Variants in UNC5D observed in about 807,000 individuals in gnomAD.
UNC5D encodes netrin receptor UNC5D.
In UNC5D, 39 loss-of-function variants were observed where a neutral mutation model predicts 105.4. The ratio of observed to expected loss-of-function variants is 0.37; its 90% CI spans 0.29 to 0.48. The LOEUF is 0.48. UNC5D is among the 20% of genes least tolerant of loss of function. UNC5D has a pLI of 0.98. For synonymous variants in UNC5D, 452 were observed against 450.4 expected, an observed-to-expected ratio of 1.00 and a Z score of -0.04; for missense variants, 991 against 1,202.4, an observed-to-expected ratio of 0.82 and a Z score of 2.60.
intron 1 of UNC5D, among the ~76,000 whole-genome samples, chr8:35,494,625 A>C (rs1811432189): frequency 6.6e-6 from 1 of 152,220 alleles, no homozygotes; most frequent in African/African-American, 2.4e-5. Flanking sequence ...TATTCAAATC[A>C]TTCGTATACC....
intron 1 of UNC5D, among the ~76,000 whole-genome samples, chr8:35,479,499 C>T (rs190988170): frequency 5.3e-5 from 8 of 152,194 alleles, no homozygotes; most frequent in South Asian, 2.1e-4. Context: ...ATGTATTCAT[C>T]GCAGCACTGT....
intron 1 of UNC5D, among the ~76,000 whole-genome samples, chr8:35,513,383 C>T (rs1030100130): frequency 6.6e-6 from 1 of 152,058 alleles, no homozygotes; most frequent in Admixed American, 6.5e-5. Flanking sequence ...CACGTGCCAC[C>T]ATGCCTGGCT....
intron 1 of UNC5D, among the ~76,000 whole-genome samples, chr8:35,355,497 T>C (rs777637081): frequency 2.6e-5 from 4 of 152,150 alleles, no homozygotes; most frequent in Admixed American, 6.5e-5. Context: ...CTTTCTTCCA[T>C]AGAAGCCTTT....
chr8:35,272,179 C>T (rs747778473), intron 1 of UNC5D, among the ~76,000 whole-genome samples: 31 of 151,954 alleles, frequency 2.0e-4, no homozygotes, highest in Non-Finnish European at 3.5e-4. Context: ...TTATGGAGCC[C>T]CAAACAAAAC....
In UNC5D at chr8:35,749,094, T is replaced by C. The variant is rs529964090; in HGVS notation, c.1935+399T>C. Among the ~76,000 whole-genome samples the C allele has an allele frequency of 3.3e-5, 5 of 152,280 alleles. 1 individual carries two copies. In the South Asian group the frequency reaches 1.0e-3, roughly 32 times the overall value. On this transcript the variant is annotated intron_variant, in intron 12 of 16. Transcript: ENST00000404895. ...TGTTCAGAAAGAAAATAACTATGTCTGTTTTTTTCCATCCTGGGGATTCTA... is the reference window on the plus strand; with the variant it reads ...TGTTCAGAAAGAAAATAACTATGTCCGTTTTTTTCCATCCTGGGGATTCTA...
rs200975218 is a variant in UNC5D at position 35,686,571 on chromosome 8, G to C, written c.946G>C (p.Glu316Gln). ...GGATGGGAGCTGGGAAGTGTGGAGCGAATGGTCCGTCTGCAGTCCAGAGTG... is the reference window on the plus strand; with the variant it reads ...GGATGGGAGCTGGGAAGTGTGGAGCCAATGGTCCGTCTGCAGTCCAGAGTG... ...PVDGSWEVWS[E>Q]WSVCSPECEH... The change falls in exon 7 of 17, where the codon GAA (glutamate) becomes CAA (glutamine). Residue 316 changes from glutamate (E) to glutamine (Q), a missense_variant. By Grantham distance (29) the Glu-to-Gln change is conservative. Transcript: ENST00000404895. 6.3e-7 allele frequency: 1 copy of C among 1,582,758 alleles called. No homozygotes were observed. The highest frequency in any genetic ancestry group is 1.2e-5 in the South Asian group (1 of 86,286).
rs374013131 is a variant in UNC5D, at chr8:35,549,453, G to A, written c.265G>A (p.Gly89Ser). The part of the protein sequence containing the change: ...PAMQIFFKCN[G>S]EWVHQNEHVS... ...CATGCAGATATTCTTCAAATGCAAC[G>A]GCGAGTGGGTCCATCAGAACGAGCA... The change falls in exon 2 of 17, where the codon GGC (glycine) becomes AGC (serine). Residue 89 changes from glycine (G) to serine (S), a missense_variant. By Grantham distance (56) the Gly-to-Ser change is moderately conservative. Around this residue, in one of 3 missense-constraint regions of UNC5D, gnomAD observed 944 missense variants for 1,131.6 expected, o/e 0.83. Transcript: ENST00000404895. The A allele has an allele frequency of 8.1e-6, 13 of 1,612,582 alleles. No homozygotes were observed. The highest frequency in any genetic ancestry group is 3.3e-5 in the Admixed American group (2 of 59,990).
intron 1 of UNC5D, among the ~76,000 whole-genome samples, chr8:35,544,690 C>T (rs911910624): frequency 1.4e-5 from 2 of 147,752 alleles, no homozygotes; most frequent in Non-Finnish European, 3.0e-5. Context: ...GCAACCTCTG[C>T]CTTCCGGGTA....
chr8:35,411,965 G>A lies in UNC5D; in HGVS notation c.104-137327G>A, dbSNP rs531644596. On this transcript the variant is annotated intron_variant, in intron 1 of 16. Transcript: ENST00000404895. ...TCACCTCATGTCCTCGCCTGTCCCCGTGATACAGGGAAATCATTAAAGAGA... is the reference window on the plus strand; with the variant it reads ...TCACCTCATGTCCTCGCCTGTCCCCATGATACAGGGAAATCATTAAAGAGA... Among the ~76,000 whole-genome samples, 10 of 152,132 alleles carry A rather than the reference G, an allele frequency of 6.6e-5. No individual in the cohort carries two copies. The South Asian group carries it at 1.0e-3, about 16-fold the overall frequency.
At chr8:35,403,957 C>T (rs1169209007) in intron 1 of UNC5D, among the ~76,000 whole-genome samples, 1 of 152,130 alleles carries the variant, frequency 6.6e-6, no homozygotes, top group Non-Finnish European at 1.5e-5. Flanking sequence ...ATATCTCATG[C>T]CAGCTCTCTG....
At chr8:35,513,647 C>T (rs1332918559) in intron 1 of UNC5D, among the ~76,000 whole-genome samples, 1 of 152,182 alleles carries the variant, frequency 6.6e-6, no homozygotes, top group Non-Finnish European at 1.5e-5. Flanking sequence ...ATACCATAGA[C>T]TTGTTAAAAA....
rs571919388 is a variant in UNC5D at position 35,533,606 on chromosome 8, C to T, written c.104-15686C>T. ...CGAGCTTCCTGGCTGCTTTGTTTACCTAAGCAAGCCTGGACAATGGCGGGC... is the reference window on the plus strand; with the variant it reads ...CGAGCTTCCTGGCTGCTTTGTTTACTTAAGCAAGCCTGGACAATGGCGGGC... On this transcript the variant is annotated intron_variant, in intron 1 of 16. Coordinates refer to ENST00000404895, the MANE Select transcript of UNC5D (RefSeq NM_080872.4). 6.6e-5 allele frequency among the ~76,000 whole-genome samples: 10 copies of T among 152,368 alleles called. No homozygotes were observed. The South Asian group carries it at 1.9e-3, about 28-fold the overall frequency.
intron 1 of UNC5D, among the ~76,000 whole-genome samples, chr8:35,470,038 C>T (rs1450460784): frequency 1.3e-5 from 2 of 152,124 alleles, no homozygotes; most frequent in Non-Finnish European, 2.9e-5. Flanking sequence ...GGTCTCAATA[C>T]ATACTTTTTA....
At chr8:35,371,931 G>C (rs758207222) in intron 1 of UNC5D, among the ~76,000 whole-genome samples, 3 of 152,246 alleles carry the variant, frequency 2.0e-5, no homozygotes, top group African/African-American at 4.8e-5. Context: ...GCAATGAACC[G>C]TTGTCTAATT....
chr8:35,356,161 G>A (rs1324659450), intron 1 of UNC5D, among the ~76,000 whole-genome samples: 1 of 152,130 alleles, frequency 6.6e-6, no homozygotes, highest in Non-Finnish European at 1.5e-5. Flanking sequence ...TATTCTATCA[G>A]TATGGGAGAG....
chr8:35,760,358 TAA>T (rs1801473015), intron 14 of UNC5D, among the ~76,000 whole-genome samples: 1 of 152,064 alleles, frequency 6.6e-6, no homozygotes, highest in Non-Finnish European at 1.5e-5. Context: ...ACGCCTTTCT[TAA>T]GAGTCCTTTT....
intron 4 of UNC5D, among the ~76,000 whole-genome samples, chr8:35,604,205 T>A (rs1326039082): frequency 1.3e-5 from 2 of 152,174 alleles, no homozygotes; most frequent in South Asian, 2.1e-4. Flanking sequence ...CCATGTTTAG[T>A]GCTTCATTCA....
At position 35,588,260 on chromosome 8, in the gene UNC5D, G is replaced by A. The variant is rs996958074; in HGVS notation, c.467-7294G>A. 4.6e-5 allele frequency among the ~76,000 whole-genome samples: 7 copies of A among 151,906 alleles called. No homozygotes were observed. In the South Asian group the frequency reaches 6.2e-4, roughly 14 times the overall value. On this transcript the variant is annotated intron_variant, in intron 3 of 16. Coordinates refer to ENST00000404895, the MANE Select transcript of UNC5D (RefSeq NM_080872.4). ...ATAAAAGAGTGTCCTCATGTGATAT[G>A]AAAACTTAGGAAAGAGAGGTAGCTA...
chr8:35,777,394 G>A (rs1415743867), intron 16 of UNC5D, among the ~76,000 whole-genome samples: 3 of 152,208 alleles, frequency 2.0e-5, no homozygotes, highest in South Asian at 2.1e-4. Flanking sequence ...AGGTGACAGA[G>A]CAAGACCCTG....
Sources: allele counts gnomAD v4.1 joint callset (sites outside exome capture counted in the v4.1 genomes callset), GRCh38; gene constraint gnomAD v4.1.1; regional missense constraint gnomAD v4.1.1; transcripts MANE v1.5; gene names NCBI Gene and HGNC (gene_info 2026-07-23, HGNC 2026-07-21).